GNB3: variants seen among roughly 807,000 people sequenced by gnomAD.
GNB3 encodes the protein guanine nucleotide-binding protein G(I)/G(S)/G(T) subunit beta-3.
GNB3 carries 33 observed loss-of-function variants against 41.2 expected under a neutral mutation model. The ratio of observed to expected loss-of-function variants is 0.80; its 90% CI spans 0.61 to 1.07. The LOEUF (loss-of-function observed/expected upper bound fraction) is 1.07. Ranked by LOEUF, GNB3 falls within the 50% of genes least tolerant of loss-of-function variation. The pLI is 0.00. For synonymous variants in GNB3, 172 were observed against 173.4 expected (o/e 0.99, Z 0.06); for missense variants, 409 against 455.3 (o/e 0.90, Z 0.92).
Position 6,841,180 on chromosome 12 carries a change from G to C in GNB3, c.-30-78G>C. On this transcript the variant is annotated intron_variant, in intron 1 of 9. Coordinates refer to ENST00000229264, the MANE Select transcript of GNB3 (RefSeq NM_002075.4). The stretch of plus-strand genomic sequence containing the variant: ...CCACCCAGTCGTTTCCCTGTGTCTT[G>C]GAGTCTGGTGTGGGCACGAAGGGCA... 1.6e-5 allele frequency: 13 copies of C among 799,746 alleles called. No homozygotes were observed. The South Asian group carries it at 2.0e-4, about 12-fold the overall frequency. 49.5% of individuals were successfully genotyped at this position (799,746 alleles called of 1,614,324 possible). A position where few individuals can be genotyped will look rare whatever the true frequency, so the allele number is the denominator to read the frequency against.
intron 9 of GNB3, chr12:6,846,162 G>A: frequency 3.6e-6 from 1 of 275,526 alleles, no homozygotes; most frequent in South Asian, 5.0e-5. Flanking sequence ...AGGAGATCTG[G>A]AGTGGCCCGA....
intron 3 of GNB3, among the ~76,000 whole-genome samples, chr12:6,842,617 G>A (rs1439273061): frequency 6.6e-6 from 1 of 152,186 alleles, no homozygotes; most frequent in Admixed American, 6.5e-5. Context: ...CTCTCGGCTT[G>A]GGAGAGCCAG....
chr12:6,843,788 A>T lies in GNB3; in HGVS notation c.509A>T (p.Asp170Val). ...SSGDTTCALW[D>V]IETGQQKTVF... Reference sequence around the variant, plus strand: ...CTCCATTTTGGCAGTGCCTTGTGGGACATTGAGACTGGGCAGCAGAAGACT... The same window carrying T: ...CTCCATTTTGGCAGTGCCTTGTGGGTCATTGAGACTGGGCAGCAGAAGACT... Residue 170 changes from aspartate (D) to valine (V), a missense_variant, in exon 8 of 10, where the codon GAC becomes GTC. Coordinates refer to ENST00000229264, the MANE Select transcript of GNB3 (RefSeq NM_002075.4). This position sits in a 1 kb window ranked among gnomAD's most constrained non-coding sequence, Gnocchi z 5.9. The T allele has an allele frequency of 1.2e-6, 2 of 1,613,962 alleles. No homozygotes were observed. Among genetic ancestry groups the T allele is most frequent in the African/African-American group, 2.7e-5 (2 of 74,990 alleles).
intron 2 of GNB3, 55 bp downstream of exon 2, chr12:6,841,399 G>T: frequency 1.3e-6 from 2 of 1,494,338 alleles, no homozygotes; most frequent in Admixed American, 3.5e-5. Flanking sequence ...GACATGAGGA[G>T]CGTGGCCCAG....
At position 6,843,919 on chromosome 12, in the gene GNB3, C is replaced by T. The variant is rs367934996; in HGVS notation, c.640C>T (p.Arg214Ter). ...CDASAKLWDV[R>*]EGTCRQTFTG... Reference sequence around the variant, plus strand: ...TGCCAGTGCCAAGCTCTGGGATGTGCGAGAGGGGACCTGCCGTCAGACTTT... The same window carrying T: ...TGCCAGTGCCAAGCTCTGGGATGTGTGAGAGGGGACCTGCCGTCAGACTTT... Residue 214 changes from arginine to a stop codon, truncating the protein, a stop_gained, in exon 8 of 10, where the codon CGA (arginine) becomes TGA (stop). Transcript: ENST00000229264. LOFTEE classifies it high-confidence loss of function. The surrounding 1 kb of genome is among the most constrained non-coding windows in gnomAD (Gnocchi z 5.9). 38 of 1,613,710 alleles carry T rather than the reference C, an allele frequency of 2.4e-5. No homozygotes were observed. The highest frequency in any genetic ancestry group is 4.4e-5 in the South Asian group (4 of 91,066).
chr12:6,845,958 G>A, intron 9 of GNB3, 156 bp downstream of exon 9: 1 of 627,748 alleles, frequency 1.6e-6, no homozygotes, highest in Non-Finnish European at 2.9e-6. Context: ...GTACCCCTTG[G>A]TTCCCAACTA....
chr12:6,847,228 C>A lies in GNB3; in HGVS notation c.*330C>A. On this transcript the variant is annotated 3_prime_UTR_variant, in exon 10 of 10. Transcript: ENST00000229264. ...GGCCCCAGGCCCTAGGATTCCTCCC[C>A]CAGAGCCACTACCTTTGTCCAGGCC... 1 of 331,158 alleles carries A rather than the reference C, an allele frequency of 3.0e-6. No individual in the cohort carries two copies. The allele number at this position is 331,158 out of a possible 1,614,324, so 20.5% of individuals were successfully genotyped here.
At position 6,843,666 on chromosome 12, in the gene GNB3, C is replaced by T. The variant is rs781940063; in HGVS notation, c.465C>T (p.Asn155=). The part of the protein sequence containing the change: ...YLSCCRFLDD[N]NIVTSSGDTT... ...CCTGCTGCCGCTTCCTGGATGACAA[C>T]AATATTGTGACCAGCTCGGGGGACA... Residue 155 remains asparagine (N), a synonymous_variant, in exon 7 of 10, where the codon AAC becomes AAT. Transcript: ENST00000229264. This position sits in a 1 kb window ranked among gnomAD's most constrained non-coding sequence, Gnocchi z 5.9. 8.7e-6 allele frequency: 14 copies of T among 1,614,076 alleles called. No homozygotes were observed. Among genetic ancestry groups the T allele is most frequent in the Non-Finnish European group, 7.6e-6 (9 of 1,180,020 alleles).
intron 9 of GNB3, 87 bp downstream of exon 9, chr12:6,845,889 C>G: frequency 1.1e-6 from 1 of 908,254 alleles, no homozygotes; most frequent in Non-Finnish European, 1.8e-6. Flanking sequence ...CATCAGCTCC[C>G]ATTTCGGACT....
rs1555124456 is a variant in GNB3 at position 6,845,600 on chromosome 12, A to C, written c.714A>C (p.Gly238=). 1.9e-6 allele frequency: 3 copies of C among 1,610,780 alleles called. No individual in the cohort carries two copies. Among genetic ancestry groups the C allele is most frequent in the Non-Finnish European group, 2.5e-6 (3 of 1,179,034 alleles). ...CGTGCCCTCAGTTCTTCCCCAATGG[A>C]GAGGCCATCTGCACGGGCTCGGATG... is the stretch of plus-strand genomic sequence containing the variant. The part of the protein sequence containing the change: ...DINAICFFPN[G]EAICTGSDDA... The change falls in exon 9 of 10, where the codon GGA becomes GGC. Residue 238 remains glycine, a synonymous_variant. Coordinates refer to ENST00000229264, the MANE Select transcript of GNB3 (RefSeq NM_002075.4).
At chr12:6,845,545 C>A in intron 8 of GNB3, 41 bp from the exon 9 acceptor site, 1 of 1,424,814 alleles carries the variant, frequency 7.0e-7, no homozygotes, top group Non-Finnish European at 9.8e-7. Flanking sequence ...TGTGGGCTGC[C>A]CAGGTCTGAT....
At position 6,843,503 on chromosome 12, in the gene GNB3, C is replaced by T. The variant is rs1943615664; in HGVS notation, c.408C>T (p.Ser136=). 1.2e-6 allele frequency: 2 copies of T among 1,614,036 alleles called. No individual in the cohort carries two copies. The highest frequency in any genetic ancestry group is 1.7e-6 in the Non-Finnish European group (2 of 1,179,978). ...LKSREGNVKV[S]RELSAHTGYL... is the part of the protein sequence containing the mutation. Reference sequence around the variant, plus strand: ...CCCGTGAGGGCAATGTCAAGGTCAGCCGGGAGCTTTCTGCTCACACAGGTG... The same window carrying T: ...CCCGTGAGGGCAATGTCAAGGTCAGTCGGGAGCTTTCTGCTCACACAGGTG... The change falls in exon 6 of 10, where the codon AGC becomes AGT. Residue 136 remains serine, a synonymous_variant. Coordinates refer to ENST00000229264, the MANE Select transcript of GNB3 (RefSeq NM_002075.4). The surrounding 1 kb of genome is among the most constrained non-coding windows in gnomAD (Gnocchi z 5.9).
intron 9 of GNB3, chr12:6,846,501 C>T (rs1943701042): frequency 6.5e-6 from 2 of 308,802 alleles, no homozygotes; most frequent in Non-Finnish European, 6.0e-6. Flanking sequence ...CCAACCAAAG[C>T]TCTTGACAGA....
Position 6,846,777 on chromosome 12 carries a change from T to A in GNB3, c.917-15T>A. The A allele has an allele frequency of 2.0e-6, 3 of 1,497,680 alleles. No individual in the cohort carries two copies. The East Asian group carries it at 7.0e-5, about 35-fold the overall frequency. 92.8% of individuals were successfully genotyped at this position (1,497,680 alleles called of 1,614,324 possible). On this transcript the variant is annotated splice_polypyrimidine_tract_variant and intron_variant, in intron 9 of 9. Coordinates refer to ENST00000229264, the MANE Select transcript of GNB3 (RefSeq NM_002075.4). ...AGCTTGGAGAGACAGGCTGACTCCT[T>A]TCCCTCTTCCTCAGGCATCCTCTCT...
rs1591594546 is a variant in GNB3, at chr12:6,847,143, A to C, written c.*245A>C. The C allele has an allele frequency of 4.2e-6, 2 of 472,332 alleles. No homozygotes were observed. The highest frequency in any genetic ancestry group is 7.7e-6 in the Non-Finnish European group (2 of 258,700). 29.3% of individuals were successfully genotyped at this position (472,332 alleles called of 1,614,324 possible). A position where few individuals can be genotyped will look rare whatever the true frequency, so the allele number is the denominator to read the frequency against. ...CACAGTCCTCACAGCCTCTCCCTTAATGAGCAAGGACAACCTGCCCCTCCC... is the reference window on the plus strand; with the variant it reads ...CACAGTCCTCACAGCCTCTCCCTTACTGAGCAAGGACAACCTGCCCCTCCC... On this transcript the variant is annotated 3_prime_UTR_variant, in exon 10 of 10. Transcript: ENST00000229264.
chr12:6,846,822 G>C lies in GNB3; in HGVS notation c.947G>C (p.Ser316Thr). 6.2e-7 allele frequency: 1 copy of C among 1,600,298 alleles called. No homozygotes were observed. Among genetic ancestry groups the C allele is most frequent in the African/African-American group, 1.3e-5 (1 of 74,944 alleles). The change falls in exon 10 of 10, where the codon AGC (serine) becomes ACC (threonine). Residue 316 changes from serine to threonine, a missense_variant. Transcript: ENST00000229264. ...CTCTCTGGCCACGATAACAGGGTGAGCTGCCTGGGAGTCACAGCTGACGGG... is the reference window on the plus strand; with the variant it reads ...CTCTCTGGCCACGATAACAGGGTGACCTGCCTGGGAGTCACAGCTGACGGG... ...GILSGHDNRV[S>T]CLGVTADGMA...
chr12:6,843,825 A>G lies in GNB3; in HGVS notation c.546A>G (p.Gly182=), dbSNP rs781918900. The change falls in exon 8 of 10, where the codon GGA becomes GGG. Residue 182 remains glycine, a synonymous_variant. Transcript: ENST00000229264. The surrounding 1 kb of genome is among the most constrained non-coding windows in gnomAD (Gnocchi z 5.9). ...ETGQQKTVFV[G]HTGDCMSLAV... ...GGCAGCAGAAGACTGTATTTGTGGGACACACGGGTGACTGCATGAGCCTGG... is the reference window on the plus strand; with the variant it reads ...GGCAGCAGAAGACTGTATTTGTGGGGCACACGGGTGACTGCATGAGCCTGG... 3.1e-6 allele frequency: 5 copies of G among 1,614,082 alleles called. No individual in the cohort carries two copies. In the Admixed American group the frequency reaches 8.3e-5, roughly 27 times the overall value.
rs782275874 is a variant in GNB3, at chr12:6,845,786, G to C, written c.900G>C (p.Met300Ile). Residue 300 changes from methionine (M) to isoleucine (I), a missense_variant, in exon 9 of 10, where the codon ATG (methionine) becomes ATC (isoleucine). Transcript: ENST00000229264. ...TCAACTGCAATGTCTGGGACTCCATGAAGTCTGAGCGTGTGGGTAAGGGCC... is the reference window on the plus strand; with the variant it reads ...TCAACTGCAATGTCTGGGACTCCATCAAGTCTGAGCGTGTGGGTAAGGGCC... ...DDFNCNVWDSMKSERVGILSG... is the reference protein window; with the variant it reads ...DDFNCNVWDSIKSERVGILSG... 1 of 1,613,688 alleles carries C rather than the reference G, an allele frequency of 6.2e-7. No individual in the cohort carries two copies. The highest frequency in any genetic ancestry group is 8.5e-7 in the Non-Finnish European group (1 of 1,179,612).
At chr12:6,845,995 A>G in intron 9 of GNB3, 193 bp downstream of exon 9, 1 of 587,912 alleles carries the variant, frequency 1.7e-6, no homozygotes, top group Non-Finnish European at 3.1e-6. Context: ...GTGTTGCTCT[A>G]AGCAGCCTCT....
Sources: gnomAD v4.1 joint callset for allele counts (sites outside exome capture counted in the v4.1 genomes callset) on GRCh38, gnomAD v4.1.1 for gene constraint, Gnocchi (gnomAD v3.1) non-coding constraint, MANE v1.5 for transcripts, NCBI Gene and HGNC (gene_info 2026-07-23, HGNC 2026-07-21) for gene names.